The following CPN2 variants were observed in gnomAD, a reference collection of about 807,000 sequenced individuals.
CPN2 encodes the protein carboxypeptidase N subunit 2, also known as carboxypeptidase N 83 kDa chain.
For synonymous variants in CPN2, 336 were observed against 318.4 expected, an observed-to-expected ratio of 1.06 and a Z score of -0.59; for missense variants, 620 against 671.4, an observed-to-expected ratio of 0.92 and a Z score of 0.85.
chr3:194,343,579 C>T (rs1021067160), intron 1 of CPN2, among the ~76,000 whole-genome samples: 5 of 152,232 alleles, frequency 3.3e-5, no homozygotes, highest in Admixed American at 2.0e-4. Flanking sequence ...CCCTCCAGGC[C>T]GCCACTGTTC....
rs149812386 is a variant in CPN2, at chr3:194,341,116, G to A, written c.1587C>T (p.Cys529=). 26 of 1,611,848 alleles carry A rather than the reference G, an allele frequency of 1.6e-5. No individual in the cohort carries two copies. The highest frequency in any genetic ancestry group is 1.7e-4 in the Middle Eastern group (1 of 5,846). The part of the protein sequence containing the change: ...ASQEWDLRSS[C]GSLRLTVSIE... ...TAGACACGGTGAGCCGCAGAGAACC[G>A]CAGCTCGACCTCAGGTCCCACTCCT... Residue 529 remains cysteine, a synonymous_variant, in exon 2 of 2, where the codon TGC becomes TGT. Transcript: ENST00000323830.
chr3:194,341,674 G>A lies in CPN2; in HGVS notation c.1029C>T (p.Tyr343=), dbSNP rs1333813198. The change falls in exon 2 of 2, where the codon TAC becomes TAT. Residue 343 remains tyrosine (Y), a synonymous_variant. Transcript: ENST00000323830. ...GCGCCGTAAGGTTGTTGCTGCCCAG[G>A]TAGAGTTTGACCAACTCCTCCAGGT... is the stretch of plus-strand genomic sequence containing the variant. ...FRDLEELVKL[Y]LGSNNLTALH... is the part of the protein sequence containing the mutation. The A allele has an allele frequency of 6.2e-7, 1 of 1,614,066 alleles. No homozygotes were observed. The highest frequency in any genetic ancestry group is 8.5e-7 in the Non-Finnish European group (1 of 1,180,042).
chr3:194,343,476 G>A (rs563613156), intron 1 of CPN2, among the ~76,000 whole-genome samples: 1 of 152,356 alleles, frequency 6.6e-6, no homozygotes, highest in East Asian at 1.9e-4. Flanking sequence ...TAAAGGTCTA[G>A]GTTTCAGAGT....
chr3:194,348,299 T>G (rs148104039), intron 1 of CPN2, among the ~76,000 whole-genome samples: 3,197 of 10,438 alleles, frequency 0.31, 995 homozygotes, highest in East Asian at 0.57. Flanking sequence ...GCCCAGTTCA[T>G]CCCACCCCAT....
In CPN2 at chr3:194,342,208, G is replaced by T; in HGVS notation, c.495C>A (p.Phe165Leu). 6.2e-7 allele frequency: 1 copy of T among 1,614,082 alleles called. No individual in the cohort carries two copies. ...GTGTCTTCAGATGGGTCAGAGGCTG[G>T]AAGAGCCTCCTGGGCAGGGCCTGGA... Reference protein sequence around the residue: ...NQLQALPRRLFQPLTHLKTLN... With the variant: ...NQLQALPRRLLQPLTHLKTLN... Residue 165 changes from phenylalanine (F) to leucine (L), a missense_variant, in exon 2 of 2, where the codon TTC becomes TTA. By Grantham distance (22) the Phe-to-Leu change is conservative. Coordinates refer to ENST00000323830, the MANE Select transcript of CPN2 (RefSeq NM_001080513.4).
chr3:194,341,513 C>G lies in CPN2; in HGVS notation c.1190G>C (p.Trp397Ser). The change falls in exon 2 of 2, where the codon TGG (tryptophan) becomes TCG (serine). Residue 397 changes from tryptophan (W) to serine (S), a missense_variant. Transcript: ENST00000323830. ...LFNLALHGNP[W>S]QCDCHLAYLF... Reference sequence around the variant, plus strand: ...GTAGGCCAGGTGGCAGTCGCACTGCCAGGGGTTACCGTGCAGGGCCAGGTT... The same window carrying G: ...GTAGGCCAGGTGGCAGTCGCACTGCGAGGGGTTACCGTGCAGGGCCAGGTT... 2 of 1,614,198 alleles carry G rather than the reference C, an allele frequency of 1.2e-6. No homozygotes were observed. The highest frequency in any genetic ancestry group is 4.5e-5 in the East Asian group (2 of 44,878).
chr3:194,344,602 G>A (rs1263527723), intron 1 of CPN2, among the ~76,000 whole-genome samples: 1 of 152,236 alleles, frequency 6.6e-6, no homozygotes, highest in Non-Finnish European at 1.5e-5. Context: ...GGCTGAGGCA[G>A]GAGAATCGCT....
In CPN2 at chr3:194,342,630, C is replaced by T. The variant is rs1416554747; in HGVS notation, c.73G>A (p.Gly25Ser). ...ACCTCCTGGACGAAGCAGTCACAAC[C>T]CATGGGACAGGGCTGGGCAGGCCTG... ...LARPAQPCPM[G>S]CDCFVQEVFC... The change falls in exon 2 of 2, where the codon GGT becomes AGT. Residue 25 changes from glycine (G) to serine (S), a missense_variant. By Grantham distance (56) the Gly-to-Ser change is moderately conservative (BLOSUM62 0). Coordinates refer to ENST00000323830, the MANE Select transcript of CPN2 (RefSeq NM_001080513.4). 1.2e-6 allele frequency: 2 copies of T among 1,613,298 alleles called. No homozygotes were observed. Among genetic ancestry groups the T allele is most frequent in the South Asian group, 2.2e-5 (2 of 90,964 alleles).
At position 194,341,743 on chromosome 3, in the gene CPN2, G is replaced by C; in HGVS notation, c.960C>G (p.Leu320=). 1.2e-6 allele frequency: 2 copies of C among 1,614,138 alleles called. No individual in the cohort carries two copies. The highest frequency in any genetic ancestry group is 1.7e-6 in the Non-Finnish European group (2 of 1,180,040). Residue 320 remains leucine, a synonymous_variant, in exon 2 of 2, where the codon CTC becomes CTG. Coordinates refer to ENST00000323830, the MANE Select transcript of CPN2 (RefSeq NM_001080513.4). ...AHLSNLRSLM[L]SYNAITHLPA... Reference sequence around the variant, plus strand: ...GGAGGTGGGTAATGGCATTGTATGAGAGCATGAGGGAACGCAGGTTGGACA... The same window carrying C: ...GGAGGTGGGTAATGGCATTGTATGACAGCATGAGGGAACGCAGGTTGGACA...
intron 1 of CPN2, among the ~76,000 whole-genome samples, chr3:194,345,318 C>T (rs1035341080): frequency 2.0e-4 from 30 of 152,264 alleles, no homozygotes; most frequent in African/African-American, 6.7e-4. Context: ...AAGAGGGGAG[C>T]AGTTTTGTTT....
At position 194,341,572 on chromosome 3, in the gene CPN2, C is replaced by T. The variant is rs141301266; in HGVS notation, c.1131G>A (p.Pro377=). The T allele has an allele frequency of 2.2e-4, 349 of 1,614,168 alleles. 1 individual carries two copies. The African/African-American group carries it at 3.2e-3, about 15-fold the overall frequency. ...SLSKNQLTTL[P]EGIFDTNYNL... Reference sequence around the variant, plus strand: ...TGTAGTTGGTGTCGAAGATGCCCTCCGGAAGTGTGGTCAGCTGGTTCTTGG... The same window carrying T: ...TGTAGTTGGTGTCGAAGATGCCCTCTGGAAGTGTGGTCAGCTGGTTCTTGG... The change falls in exon 2 of 2, where the codon CCG becomes CCA. Residue 377 remains proline (P), a synonymous_variant. Transcript: ENST00000323830.
At position 194,341,258 on chromosome 3, in the gene CPN2, G is replaced by A. The variant is rs749538876; in HGVS notation, c.1445C>T (p.Thr482Ile). 1.2e-6 allele frequency: 2 copies of A among 1,613,332 alleles called. No homozygotes were observed. The highest frequency in any genetic ancestry group is 4.5e-5 in the East Asian group (2 of 44,888). The change falls in exon 2 of 2, where the codon ACC becomes ATC. Residue 482 changes from threonine to isoleucine, a missense_variant. Coordinates refer to ENST00000323830, the MANE Select transcript of CPN2 (RefSeq NM_001080513.4). Reference sequence around the variant, plus strand: ...CACGGTGCCCTCGGGGTTGCTGTAGGTGCACTGGCTCCGGGCTGCCCTTTC... The same window carrying A: ...CACGGTGCCCTCGGGGTTGCTGTAGATGCACTGGCTCCGGGCTGCCCTTTC... ...VQERAARSQC[T>I]YSNPEGTVVL...
intron 1 of CPN2, among the ~76,000 whole-genome samples, chr3:194,349,172 C>T (rs2108651462): frequency 6.6e-6 from 1 of 152,132 alleles, no homozygotes; most frequent in Non-Finnish European, 1.5e-5. Flanking sequence ...ACCAGCCTGG[C>T]CAACATGATG....
Position 194,341,475 on chromosome 3 carries a change from G to C in CPN2, c.1228C>G (p.Leu410Val). 6.2e-7 allele frequency: 1 copy of C among 1,614,250 alleles called. No homozygotes were observed. The highest frequency in any genetic ancestry group is 8.5e-7 in the Non-Finnish European group (1 of 1,180,044). ...DCHLAYLFNWLQQYTDRLLNI... is the reference protein window; with the variant it reads ...DCHLAYLFNWVQQYTDRLLNI... Reference sequence around the variant, plus strand: ...AGGAGCCGATCGGTGTACTGCTGCAGCCAGTTGAAGAGGTAGGCCAGGTGG... The same window carrying C: ...AGGAGCCGATCGGTGTACTGCTGCACCCAGTTGAAGAGGTAGGCCAGGTGG... Residue 410 changes from leucine to valine, a missense_variant, in exon 2 of 2, where the codon CTG (leucine) becomes GTG (valine). Leu to Val is a conservative substitution (Grantham distance 32). Coordinates refer to ENST00000323830, the MANE Select transcript of CPN2 (RefSeq NM_001080513.4).
intron 1 of CPN2, among the ~76,000 whole-genome samples, chr3:194,347,044 G>A (rs767038316): frequency 4.5e-4 from 69 of 152,168 alleles, no homozygotes; most frequent in Non-Finnish European, 3.4e-4. Flanking sequence ...AGATGGACGC[G>A]CCCCTCCCTG....
chr3:194,342,704 T>C lies in CPN2; in HGVS notation c.-2A>G. On this transcript the variant is annotated splice_region_variant and 5_prime_UTR_variant, in exon 2 of 2. Coordinates refer to ENST00000323830, the MANE Select transcript of CPN2 (RefSeq NM_001080513.4). ...GAGCAGCCAGGCTCCAGGGAGCATC[T>C]TCTAGATTCGAGGAGGGAGAGAGAA... 1.5e-6 allele frequency: 2 copies of C among 1,300,158 alleles called. No homozygotes were observed. The highest frequency in any genetic ancestry group is 1.1e-6 in the Non-Finnish European group (1 of 916,258). The allele number at this position is 1,300,158 out of a possible 1,614,324, so 80.5% of individuals were successfully genotyped here. A position where few individuals can be genotyped will look rare whatever the true frequency, so the allele number is the denominator to read the frequency against.
chr3:194,347,738 C>A, intron 1 of CPN2, among the ~76,000 whole-genome samples: 1 of 137,506 alleles, frequency 7.3e-6, no homozygotes, highest in Admixed American at 7.2e-5. Context: ...GGCCAGCCCA[C>A]CCCACCCTCT....
chr3:194,341,968 C>T lies in CPN2; in HGVS notation c.735G>A (p.Arg245=), dbSNP rs1712851562. 1 of 1,614,034 alleles carries T rather than the reference C, an allele frequency of 6.2e-7. No individual in the cohort carries two copies. The highest frequency in any genetic ancestry group is 8.5e-7 in the Non-Finnish European group (1 of 1,180,050). The change falls in exon 2 of 2, where the codon AGG becomes AGA. Residue 245 remains arginine (R), a synonymous_variant. Transcript: ENST00000323830. ...TGATGGCGTTGCGTTGCAGCCACAG[C>T]CTCTCTAGGCAGAAGAGCTGGGAGA... ...QVFSQLFCLE[R]LWLQRNAITH... is the part of the protein sequence containing the mutation.
chr3:194,342,866 A>G (rs547167219), intron 1 of CPN2, among the ~76,000 whole-genome samples, 161 bp from the exon 2 acceptor site: 2 of 152,332 alleles, frequency 1.3e-5, no homozygotes, highest in East Asian at 1.9e-4. Flanking sequence ...GGCTTTCTGT[A>G]TTCTTCTCAG....
Sources: allele counts gnomAD v4.1 joint callset (sites outside exome capture counted in the v4.1 genomes callset), GRCh38; gene constraint gnomAD v4.1.1; transcripts MANE v1.5; gene names NCBI Gene and HGNC (gene_info 2026-07-23, HGNC 2026-07-21).